Variants in INPP5A observed in about 807,000 individuals in gnomAD.
The protein encoded by INPP5A is 43 kDa inositol polyphosphate 5-phophatase.
Under a neutral mutation model 65.2 loss-of-function variants are expected in INPP5A, and 14 were observed. The ratio of observed to expected loss-of-function variants is 0.21; its 90% CI spans 0.14 to 0.34. The LOEUF (loss-of-function observed/expected upper bound fraction) is 0.34. Ranked by LOEUF, INPP5A falls within the 10% of genes least tolerant of loss-of-function variation. The probability of loss-of-function intolerance (pLI) is 1.00; values close to 1 mark genes in which losing one functional copy is unlikely to be tolerated. For missense variants in INPP5A, 431 were observed against 545.6 expected (o/e 0.79, Z 2.09); for synonymous variants, 207 against 208.3 (o/e 0.99, Z 0.05).
At chr10:132,606,171 C>T (rs1258486314) in intron 1 of INPP5A, among the ~76,000 whole-genome samples, 2 of 152,100 alleles carry the variant, frequency 1.3e-5, no homozygotes, top group African/African-American at 2.4e-5. Context: ...CTGGGACCCT[C>T]GATGGGGACT....
chr10:132,606,810 G>A (rs1199600737), intron 1 of INPP5A, among the ~76,000 whole-genome samples: 6 of 152,242 alleles, frequency 3.9e-5, no homozygotes, highest in Admixed American at 3.3e-4. Flanking sequence ...GGGAGCGGGG[G>A]CAGGGCCTTG....
In INPP5A at chr10:132,676,721, G is replaced by C. The variant is rs568855699; in HGVS notation, c.307-13671G>C. Among the ~76,000 whole-genome samples the C allele has an allele frequency of 6.6e-6, 1 of 152,110 alleles. No homozygotes were observed. The highest frequency in any genetic ancestry group is 1.5e-5 in the Non-Finnish European group (1 of 68,012). ...TGCTCCAAGGTGCCACCTGCCCAAG[G>C]TTCCGTCCTAGTCCCTGACCGGCCC... is the stretch of plus-strand genomic sequence containing the variant. On this transcript the variant is annotated intron_variant, in intron 4 of 15. Coordinates refer to ENST00000368594, the MANE Select transcript of INPP5A (RefSeq NM_005539.5). The surrounding 1 kb of genome is among the most constrained non-coding windows in gnomAD (Gnocchi z 4.0).
At chr10:132,665,804 CAGCACTCTGG>C in intron 4 of INPP5A, among the ~76,000 whole-genome samples, 1 of 150,868 alleles carries the variant, frequency 6.6e-6, no homozygotes, top group South Asian at 2.1e-4. Flanking sequence ...GGAGTAATCC[CAGCACTCTGG>C]GAGGCTGAGG....
intron 2 of INPP5A, among the ~76,000 whole-genome samples, chr10:132,629,011 G>A (rs1350093505): frequency 6.6e-6 from 1 of 152,220 alleles, no homozygotes; most frequent in Non-Finnish European, 1.5e-5. Flanking sequence ...GGGTGTGTTT[G>A]ACCCTGAGCC....
At chr10:132,670,442 C>G (rs1482786196) in intron 4 of INPP5A, among the ~76,000 whole-genome samples, 1 of 124,672 alleles carries the variant, frequency 8.0e-6, no homozygotes, top group Admixed American at 8.2e-5. Flanking sequence ...CCCACACCCC[C>G]TGACACCACC....
At chr10:132,567,169 A>T (rs2071283470) in intron 1 of INPP5A, among the ~76,000 whole-genome samples, 1 of 152,094 alleles carries the variant, frequency 6.6e-6, no homozygotes, top group Non-Finnish European at 1.5e-5. Context: ...CCATCCGGCC[A>T]CCCTCCTGTG....
intron 2 of INPP5A, among the ~76,000 whole-genome samples, chr10:132,617,183 C>T (rs1050045451): frequency 8.5e-5 from 13 of 152,158 alleles, no homozygotes; most frequent in Admixed American, 5.9e-4. Context: ...TGGGGAGCCA[C>T]GAAGCCACAG....
rs989899849 is a variant in INPP5A, at chr10:132,727,271, T to C, written c.732+366T>C. On this transcript the variant is annotated intron_variant, in intron 9 of 15. Transcript: ENST00000368594. The surrounding 1 kb of genome is among the most constrained non-coding windows in gnomAD (Gnocchi z 6.5). ...TGTCAGCTCCTTCACACTGTCCAAC[T>C]TGATCTCAGCGATTTTTTGTCATAA... The C allele has an allele frequency of 5.2e-6, 1 of 190,890 alleles. No homozygotes were observed. Among genetic ancestry groups the C allele is most frequent in the Admixed American group, 6.0e-5 (1 of 16,782 alleles). 11.8% of individuals were successfully genotyped at this position (190,890 alleles called of 1,614,324 possible).
intron 8 of INPP5A, among the ~76,000 whole-genome samples, chr10:132,717,034 T>C (rs1845752280): frequency 6.6e-6 from 1 of 152,126 alleles, no homozygotes; most frequent in Admixed American, 6.5e-5. Context: ...CCAGAGGCCA[T>C]CTCAGCCCCG....
intron 9 of INPP5A, among the ~76,000 whole-genome samples, chr10:132,736,135 A>G (rs1224459808): frequency 6.6e-6 from 1 of 152,250 alleles, no homozygotes. Flanking sequence ...GTCGTGTGCC[A>G]TCTGAGAGGG....
chr10:132,693,985 C>T (rs1845308153), intron 5 of INPP5A, among the ~76,000 whole-genome samples: 2 of 152,178 alleles, frequency 1.3e-5, no homozygotes, highest in Non-Finnish European at 2.9e-5. Flanking sequence ...AGCATAAAAT[C>T]AGGAAAGACA....
chr10:132,604,646 T>G (rs75148231), intron 1 of INPP5A, among the ~76,000 whole-genome samples: 3,548 of 152,312 alleles, frequency 0.023, 50 homozygotes, highest in South Asian at 0.039. Context: ...TGGGGCTGCA[T>G]AGTGAAATGT....
intron 9 of INPP5A, among the ~76,000 whole-genome samples, chr10:132,731,266 T>C (rs1164659764): frequency 4.0e-5 from 6 of 150,280 alleles, no homozygotes; most frequent in African/African-American, 2.5e-5. Context: ...CCCTCCTGCG[T>C]ATCAGGTGTC....
At chr10:132,639,448 G>A (rs1207263169) in intron 2 of INPP5A, among the ~76,000 whole-genome samples, 1 of 151,846 alleles carries the variant, frequency 6.6e-6, no homozygotes. Context: ...CTGTCCAGTT[G>A]GTTTCAGAAG....
At chr10:132,679,217 G>T (rs558652399) in intron 4 of INPP5A, among the ~76,000 whole-genome samples, 3 of 152,194 alleles carry the variant, frequency 2.0e-5, no homozygotes, top group Admixed American at 6.5e-5. Flanking sequence ...TCTGTAATCC[G>T]TAGAACCTGT....
chr10:132,712,478 G>A (rs1845658515), intron 8 of INPP5A, among the ~76,000 whole-genome samples: 1 of 149,110 alleles, frequency 6.7e-6, no homozygotes. Flanking sequence ...GGATGTGTGT[G>A]GGTACATGTC....
chr10:132,750,875 C>T (rs912634500), intron 11 of INPP5A, among the ~76,000 whole-genome samples: 4 of 152,224 alleles, frequency 2.6e-5, no homozygotes, highest in Non-Finnish European at 4.4e-5. Flanking sequence ...GGTGAGGGAG[C>T]ACAGGCGGGT....
intron 2 of INPP5A, among the ~76,000 whole-genome samples, chr10:132,643,708 G>T (rs1416155377): frequency 6.6e-6 from 1 of 152,126 alleles, no homozygotes; most frequent in Non-Finnish European, 1.5e-5. Context: ...TGGTGCATTC[G>T]AGGTGCTGTG....
At position 132,545,858 on chromosome 10, in the gene INPP5A, C is replaced by G. The variant is rs992566995; in HGVS notation, c.75+7687C>G. On this transcript the variant is annotated intron_variant, in intron 1 of 15. Transcript: ENST00000368594. This position sits in a 1 kb window ranked among gnomAD's most constrained non-coding sequence, Gnocchi z 4.6. ...GCTCTGAGCGCTGGCTCCAGGCCGG[C>G]TTTCAGGAAGGCCGACTGCCTCAAT... Among the ~76,000 whole-genome samples, 5 of 152,246 alleles carry G rather than the reference C, an allele frequency of 3.3e-5. No individual in the cohort carries two copies. Among genetic ancestry groups the G allele is most frequent in the African/African-American group, 1.2e-4 (5 of 41,468 alleles).
Sources: gnomAD v4.1 joint callset for allele counts (sites outside exome capture counted in the v4.1 genomes callset) on GRCh38, gnomAD v4.1.1 for gene constraint, Gnocchi (gnomAD v3.1) non-coding constraint, MANE v1.5 for transcripts, NCBI Gene and HGNC (gene_info 2026-07-23, HGNC 2026-07-21) for gene names.